AIMP1: variants seen among roughly 807,000 people sequenced by gnomAD.
AIMP1 encodes aminoacyl tRNA synthase complex-interacting multifunctional protein 1.
A neutral mutation model predicts 33.1 loss-of-function variants in AIMP1; 24 were observed. The observed-to-expected ratio is 0.73, with a 90% CI of 0.53 to 1.02. The LOEUF is 1.02. Ranked by LOEUF, AIMP1 falls within the 50% of genes least tolerant of loss-of-function variation. The probability of loss-of-function intolerance (pLI) is 0.00; values close to 1 mark genes in which losing one functional copy is unlikely to be tolerated. For synonymous variants in AIMP1, 120 were observed against 121.5 expected (o/e 0.99, Z 0.08); for missense variants, 367 against 364.8 (o/e 1.01, Z -0.05).
At chr4:106,321,171 G>A (rs1437709143) in intron 1 of AIMP1, 2 of 170,198 alleles carry the variant, frequency 1.2e-5, no homozygotes, top group African/African-American at 2.4e-5. Flanking sequence ...CCGCCACCCC[G>A]TCTAGGAAGT....
At chr4:106,334,239 A>G (rs975958747) in intron 5 of AIMP1, among the ~76,000 whole-genome samples, 5 of 151,988 alleles carry the variant, frequency 3.3e-5, no homozygotes, top group African/African-American at 1.2e-4. Context: ...GGATACAGCA[A>G]CAAATTAAAA....
intron 6 of AIMP1, among the ~76,000 whole-genome samples, chr4:106,337,343 G>C (rs1053090092): frequency 1.3e-5 from 2 of 152,104 alleles, no homozygotes; most frequent in Non-Finnish European, 2.9e-5. Flanking sequence ...GGAGGGACCC[G>C]GTGGGAGGTA....
At chr4:106,318,278 G>A (rs1226126688) in intron 1 of AIMP1, among the ~76,000 whole-genome samples, 2 of 152,160 alleles carry the variant, frequency 1.3e-5, no homozygotes, top group African/African-American at 2.4e-5. Flanking sequence ...TGTTCTCAGT[G>A]TATTTAATTT....
At chr4:106,332,506 G>A (rs938646411) in intron 5 of AIMP1, among the ~76,000 whole-genome samples, 3 of 151,144 alleles carry the variant, frequency 2.0e-5, no homozygotes, top group Non-Finnish European at 3.0e-5. Context: ...TTTTTCACAT[G>A]CTATTTTATT....
chr4:106,328,435 G>A (rs533951957), intron 4 of AIMP1, among the ~76,000 whole-genome samples, 192 bp downstream of exon 4: 189 of 152,184 alleles, frequency 1.2e-3, no homozygotes, highest in Non-Finnish European at 2.0e-3. Flanking sequence ...CCAGATTAAC[G>A]GGGTAAAAAT....
chr4:106,336,849 C>A lies in AIMP1; in HGVS notation c.604-20C>A. The A allele has an allele frequency of 1.2e-6, 2 of 1,610,318 alleles. No individual in the cohort carries two copies. Among genetic ancestry groups the A allele is most frequent in the Non-Finnish European group, 8.5e-7 (1 of 1,176,754 alleles). On this transcript the variant is annotated intron_variant, in intron 5 of 6. Coordinates refer to ENST00000672341, the MANE Select transcript of AIMP1 (RefSeq NM_001142416.2). The stretch of plus-strand genomic sequence containing the variant: ...CTTAATCTGTGTACATCTTTACTTA[C>A]CAGTTTATATTTCACACAGATGCAA...
intron 6 of AIMP1, among the ~76,000 whole-genome samples, chr4:106,346,288 T>C (rs1358167920): frequency 6.6e-6 from 1 of 152,156 alleles, no homozygotes; most frequent in Non-Finnish European, 1.5e-5. Context: ...TATTATAAAA[T>C]TTATACTATG....
chr4:106,315,931 C>T (rs1288591866), upstream of AIMP1: 1 of 152,814 alleles, frequency 6.5e-6, no homozygotes, highest in East Asian at 1.9e-4. Context: ...AAATACCTGC[C>T]TCTGAGTCTG....
chr4:106,336,714 A>G (rs748189510), intron 5 of AIMP1, among the ~76,000 whole-genome samples, 155 bp from the exon 6 acceptor site: 2 of 152,192 alleles, frequency 1.3e-5, no homozygotes, highest in Admixed American at 6.5e-5. Flanking sequence ...AAGCTTCGTA[A>G]CAACAATAAG....
intron 1 of AIMP1, among the ~76,000 whole-genome samples, chr4:106,322,298 A>G (rs113682990): frequency 3.8e-5 from 4 of 104,816 alleles, no homozygotes; most frequent in African/African-American, 1.3e-4. Flanking sequence ...AAAAAAAATT[A>G]AAAAAAAAAA....
Position 106,323,924 on chromosome 4 carries a change from T to C in AIMP1, c.-25-1061T>C, listed in dbSNP as rs111893157. On this transcript the variant is annotated intron_variant, in intron 1 of 6. Transcript: ENST00000672341. Reference sequence around the variant, plus strand: ...ATTAAGAGAAAAACTAGAAAACTAGTATCAGCTAATATGAAACAAGTAGAT... The same window carrying C: ...ATTAAGAGAAAAACTAGAAAACTAGCATCAGCTAATATGAAACAAGTAGAT... Among the ~76,000 whole-genome samples the C allele has an allele frequency of 6.1e-3, 926 of 152,184 alleles. 12 individuals are homozygous for C. Among genetic ancestry groups the C allele is most frequent in the African/African-American group, 0.022 (894 of 41,570 alleles).
rs540006649 is a variant in AIMP1 at position 106,344,186 on chromosome 4, T to A, written c.773-3340T>A. On this transcript the variant is annotated intron_variant, in intron 6 of 6. Transcript: ENST00000672341. ...CTTCCTTACCTCCTTAGATTCTTAC[T>A]GTTATAGGGCCTCAGACCTTGGATT... Among the ~76,000 whole-genome samples, 90 of 152,282 alleles carry A rather than the reference T, an allele frequency of 5.9e-4. 4 individuals carry two copies. Among genetic ancestry groups the A allele is most frequent in the Admixed American group, 1.8e-3 (27 of 15,294 alleles).
intron 4 of AIMP1, among the ~76,000 whole-genome samples, chr4:106,330,821 A>G (rs1769648104): frequency 6.6e-6 from 1 of 152,188 alleles, no homozygotes; most frequent in African/African-American, 2.4e-5. Flanking sequence ...AAGGTAAATA[A>G]GGTTTTATTT....
rs111447366 is a variant in AIMP1 at position 106,332,398 on chromosome 4, A to G, written c.603+515A>G. 3.7e-3 allele frequency among the ~76,000 whole-genome samples: 563 copies of G among 151,760 alleles called. 3 individuals carry two copies. Among genetic ancestry groups the G allele is most frequent in the African/African-American group, 0.013 (536 of 41,478 alleles). ...GTGCTTTCTGGGTTTATTTTACATG[A>G]TTTTGAAAAGCAAGGAATTATAAAA... On this transcript the variant is annotated intron_variant, in intron 5 of 6. Coordinates refer to ENST00000672341, the MANE Select transcript of AIMP1 (RefSeq NM_001142416.2).
intron 5 of AIMP1, among the ~76,000 whole-genome samples, chr4:106,335,614 T>C (rs1769843824): frequency 6.6e-6 from 1 of 152,076 alleles, no homozygotes; most frequent in African/African-American, 2.4e-5. Flanking sequence ...TTAAACACTT[T>C]TGCTGTAACT....
chr4:106,325,194 C>A, intron 2 of AIMP1, 76 bp downstream of exon 2: 1 of 1,316,552 alleles, frequency 7.6e-7, no homozygotes, highest in Non-Finnish European at 1.1e-6. Context: ...TAATGTTTAC[C>A]GCTTTAAGTT....
At chr4:106,337,245 T>G (rs767373170) in intron 6 of AIMP1, among the ~76,000 whole-genome samples, 116 of 152,186 alleles carry the variant, frequency 7.6e-4, no homozygotes, top group Non-Finnish European at 6.0e-4. Context: ...TGAATGTACA[T>G]GTTGTATAAA....
chr4:106,335,765 CA>C (rs1431427846), intron 5 of AIMP1, among the ~76,000 whole-genome samples: 1 of 151,768 alleles, frequency 6.6e-6, no homozygotes, highest in Admixed American at 6.6e-5. Context: ...AGTAAATTTG[CA>C]TATAACATTT....
chr4:106,316,804 G>C (rs886601317), intron 1 of AIMP1: 17 of 521,918 alleles, frequency 3.3e-5, no homozygotes, highest in African/African-American at 3.0e-4. Flanking sequence ...TGGGATGCAG[G>C]CCTAAGTTAA....
Sources: gnomAD v4.1 joint callset for allele counts (sites outside exome capture counted in the v4.1 genomes callset) on GRCh38, gnomAD v4.1.1 for gene constraint, MANE v1.5 for transcripts, NCBI Gene and HGNC (gene_info 2026-07-23, HGNC 2026-07-21) for gene names.